Variants in SDK1 observed in about 807,000 individuals in gnomAD.
SDK1 encodes the protein protein sidekick-1.
SDK1 carries 157 observed loss-of-function variants against 245.5 expected under a neutral mutation model. The ratio of observed to expected loss-of-function variants is 0.64; its 90% CI spans 0.56 to 0.73. SDK1 has a LOEUF of 0.73. Ranked by LOEUF, SDK1 falls within the 30% of genes least tolerant of loss-of-function variation. SDK1 has a pLI of 0.00. For missense variants in SDK1, 3,583 were observed against 3,002.3 expected (o/e 1.19, Z -4.52); for synonymous variants, 1,647 against 1,278.5 (o/e 1.29, Z -6.15).
At chr7:3,567,304 G>A (rs964018168) in intron 1 of SDK1, among the ~76,000 whole-genome samples, 1 of 152,306 alleles carries the variant, frequency 6.6e-6, no homozygotes, top group East Asian at 1.9e-4. Flanking sequence ...AGAATGAAAT[G>A]GCTTGATACC....
intron 1 of SDK1, among the ~76,000 whole-genome samples, chr7:3,597,064 A>C (rs189886059): frequency 6.6e-5 from 10 of 151,938 alleles, no homozygotes; most frequent in African/African-American, 2.2e-4. Context: ...AGGTCAGGAG[A>C]TCGAAACCAT....
At chr7:3,321,834 T>TCCTTCCTTCC (rs1562412863) in intron 1 of SDK1, among the ~76,000 whole-genome samples, 1 of 139,184 alleles carries the variant, frequency 7.2e-6, no homozygotes, top group African/African-American at 2.8e-5. Flanking sequence ...CCTTCCTCCT[T>TCCTTCCTTCC]TTCTCTCTCT....
chr7:3,938,658 AAAG>A (rs977260215), intron 5 of SDK1, among the ~76,000 whole-genome samples: 4 of 151,766 alleles, frequency 2.6e-5, no homozygotes, highest in Admixed American at 6.6e-5. Flanking sequence ...AAAAAAAAAA[AAAG>A]AGATCCTCAG....
chr7:4,106,817 G>T (rs1782954525), intron 22 of SDK1, among the ~76,000 whole-genome samples: 1 of 151,918 alleles, frequency 6.6e-6, no homozygotes, highest in African/African-American at 2.4e-5. Flanking sequence ...GAACAGCCCT[G>T]AATCCCAGAG....
At chr7:4,254,089 C>T in intron 44 of SDK1, among the ~76,000 whole-genome samples, 1 of 151,994 alleles carries the variant, frequency 6.6e-6, no homozygotes, top group Non-Finnish European at 1.5e-5. Context: ...TGTATTTCTT[C>T]CTTTTCTTTT....
At chr7:3,347,286 T>C (rs1466151595) in intron 1 of SDK1, among the ~76,000 whole-genome samples, 1 of 152,144 alleles carries the variant, frequency 6.6e-6, no homozygotes, top group African/African-American at 2.4e-5. Context: ...TATCTTCTTA[T>C]ACTCTTTTGT....
intron 1 of SDK1, among the ~76,000 whole-genome samples, chr7:3,406,440 A>G (rs66665337): frequency 0.15 from 23,530 of 151,960 alleles, 3,003 homozygotes; most frequent in African/African-American, 0.35. Flanking sequence ...TTCCTCTCCA[A>G]TGGACTGGCT....
intron 1 of SDK1, among the ~76,000 whole-genome samples, chr7:3,585,306 A>C (rs2128633949): frequency 6.6e-6 from 1 of 152,332 alleles, no homozygotes; most frequent in East Asian, 1.9e-4. Flanking sequence ...CAAGAAATAA[A>C]ATAAGGAGAG....
At chr7:3,640,451 T>C (rs1457984881) in intron 3 of SDK1, among the ~76,000 whole-genome samples, 1 of 152,212 alleles carries the variant, frequency 6.6e-6, no homozygotes, top group Non-Finnish European at 1.5e-5. Context: ...TGATGCTTTT[T>C]AAAATCACTA....
intron 41 of SDK1, among the ~76,000 whole-genome samples, chr7:4,235,467 C>T (rs1358897189): frequency 1.3e-5 from 2 of 152,248 alleles, no homozygotes; most frequent in East Asian, 3.9e-4. Flanking sequence ...CCCAGCTGAC[C>T]ACTTGATTTT....
chr7:3,439,643 A>G (rs947304347), intron 1 of SDK1, among the ~76,000 whole-genome samples: 3 of 152,168 alleles, frequency 2.0e-5, no homozygotes, highest in East Asian at 1.9e-4. Flanking sequence ...AAGTCAGTAC[A>G]TTTCTCTTTT....
rs374562388 is a variant in SDK1, at chr7:4,003,875, G to T, written c.2132-7091G>T. Among the ~76,000 whole-genome samples, 572 of 152,362 alleles carry T rather than the reference G, an allele frequency of 3.8e-3. 11 individuals carry two copies. In the South Asian group the frequency reaches 0.05, roughly 13 times the overall value. ...GTGAAGCCTCCCCACTTAGCTCCAT[G>T]TTGGGGGCCCTCGCGGGCATTGCTC... On this transcript the variant is annotated intron_variant, in intron 14 of 44. Coordinates refer to ENST00000404826, the MANE Select transcript of SDK1 (RefSeq NM_152744.4).
chr7:3,522,808 T>A (rs972723306), intron 1 of SDK1, among the ~76,000 whole-genome samples: 1 of 152,152 alleles, frequency 6.6e-6, no homozygotes, highest in African/African-American at 2.4e-5. Flanking sequence ...TAAAATTGTT[T>A]CCGTGTTGAT....
At chr7:3,983,027 G>A (rs1333847789) in intron 13 of SDK1, among the ~76,000 whole-genome samples, 2 of 152,138 alleles carry the variant, frequency 1.3e-5, no homozygotes, top group Non-Finnish European at 1.5e-5. Context: ...GGATCCTGAA[G>A]ATGTAGCTGA....
At chr7:4,160,144 G>T (rs1049839194) in intron 31 of SDK1, among the ~76,000 whole-genome samples, 2 of 152,180 alleles carry the variant, frequency 1.3e-5, no homozygotes, top group East Asian at 3.8e-4. Context: ...ACAAGGGAAA[G>T]GCTTTGCAGG....
intron 4 of SDK1, among the ~76,000 whole-genome samples, chr7:3,737,776 T>G (rs1261079715): frequency 6.6e-6 from 1 of 152,184 alleles, no homozygotes; most frequent in Non-Finnish European, 1.5e-5. Context: ...CCTGCAATGC[T>G]AGGGAAGCTG....
intron 32 of SDK1, among the ~76,000 whole-genome samples, chr7:4,162,360 GTTGTT>G (rs1562372466): frequency 9.7e-4 from 111 of 114,388 alleles, no homozygotes; most frequent in African/African-American, 3.2e-3. Flanking sequence ...GGTGGTGGTT[GTTGTT>G]GTTGTTATTA....
chr7:3,569,828 G>A (rs1264041288), intron 1 of SDK1, among the ~76,000 whole-genome samples: 2 of 152,198 alleles, frequency 1.3e-5, no homozygotes, highest in Non-Finnish European at 2.9e-5. Context: ...CCTCAGGCTT[G>A]TTAGAGTCTG....
chr7:4,187,637 C>T (rs1782968725), intron 35 of SDK1, among the ~76,000 whole-genome samples: 1 of 152,186 alleles, frequency 6.6e-6, no homozygotes, highest in East Asian at 1.9e-4. Context: ...GCATGGGGGT[C>T]TGTTACAAGG....
Sources: allele counts gnomAD v4.1 joint callset (sites outside exome capture counted in the v4.1 genomes callset), GRCh38; gene constraint gnomAD v4.1.1; transcripts MANE v1.5; gene names NCBI Gene and HGNC (gene_info 2026-07-23, HGNC 2026-07-21).